The following ADAMTSL1 variants were observed in gnomAD, a reference collection of about 807,000 sequenced individuals.
ADAMTSL1 encodes the protein ADAMTS-like protein 1.
In ADAMTSL1, 126 loss-of-function variants were observed where a neutral mutation model predicts 201.8. That is an observed-to-expected ratio of 0.62 (90% CI 0.54 to 0.72). The LOEUF is 0.72. Ranked by LOEUF, ADAMTSL1 falls within the 30% of genes least tolerant of loss-of-function variation. The pLI is 0.00. For synonymous variants in ADAMTSL1, 1,121 were observed against 903.4 expected, an observed-to-expected ratio of 1.24 and a Z score of -4.32; for missense variants, 2,679 against 2,277.8, an observed-to-expected ratio of 1.18 and a Z score of -3.59.
intron 1 of ADAMTSL1, among the ~76,000 whole-genome samples, chr9:18,099,756 G>A (rs1824435966): frequency 6.7e-6 from 1 of 149,880 alleles, no homozygotes; most frequent in Admixed American, 6.7e-5. Flanking sequence ...TCTTGCCTCA[G>A]CCTCCCACTA....
intron 13 of ADAMTSL1, among the ~76,000 whole-genome samples, chr9:18,688,873 G>A (rs905731957): frequency 6.7e-6 from 1 of 150,114 alleles, no homozygotes; most frequent in African/African-American, 2.5e-5. Flanking sequence ...CCATTTTTCC[G>A]AGGGTAATAG....
chr9:18,047,404 C>T (rs1821711845), intron 1 of ADAMTSL1, among the ~76,000 whole-genome samples: 1 of 152,126 alleles, frequency 6.6e-6, no homozygotes, highest in South Asian at 2.1e-4. Flanking sequence ...TACTGCTAAA[C>T]ATCTTTACAC....
chr9:18,108,533 G>A (rs1008254245), intron 1 of ADAMTSL1, among the ~76,000 whole-genome samples: 1 of 152,064 alleles, frequency 6.6e-6, no homozygotes, highest in Non-Finnish European at 1.5e-5. Context: ...TTGGAAGCCA[G>A]ATCACAGAGA....
intron 2 of ADAMTSL1, among the ~76,000 whole-genome samples, chr9:18,430,239 A>G (rs1236522908): frequency 2.0e-5 from 3 of 152,188 alleles, no homozygotes; most frequent in Non-Finnish European, 4.4e-5. Context: ...TGGTTTCTAG[A>G]CAACATTTTG....
intron 2 of ADAMTSL1, among the ~76,000 whole-genome samples, chr9:18,437,147 A>C (rs1819773994): frequency 6.6e-6 from 1 of 151,730 alleles, no homozygotes; most frequent in Non-Finnish European, 1.5e-5. Flanking sequence ...GCGCATCAAA[A>C]CTGAACTCAC....
chr9:18,597,800 A>G (rs1824364958), intron 4 of ADAMTSL1, among the ~76,000 whole-genome samples: 1 of 152,344 alleles, frequency 6.6e-6, no homozygotes, highest in East Asian at 1.9e-4. Flanking sequence ...AGTACCTTCC[A>G]GATTTTGAGC....
intron 2 of ADAMTSL1, among the ~76,000 whole-genome samples, chr9:18,382,832 A>AT (rs1194674603): frequency 1.4e-4 from 22 of 152,338 alleles, no homozygotes; most frequent in African/African-American, 4.8e-4. Context: ...AACAATGCTC[A>AT]TTATAACACA....
At chr9:18,133,015 C>G (rs1011639066) in intron 1 of ADAMTSL1, among the ~76,000 whole-genome samples, 35 of 152,094 alleles carry the variant, frequency 2.3e-4, no homozygotes, top group Non-Finnish European at 5.0e-4. Context: ...GATTCTGTCC[C>G]AGGATTAAGG....
chr9:18,650,390 T>A (rs1461808447), intron 7 of ADAMTSL1, among the ~76,000 whole-genome samples: 1 of 152,090 alleles, frequency 6.6e-6, no homozygotes, highest in Non-Finnish European at 1.5e-5. Flanking sequence ...CACAGCGCGC[T>A]GCACCCACTG....
chr9:18,145,530 T>C (rs1193382520), intron 1 of ADAMTSL1, among the ~76,000 whole-genome samples: 1 of 152,190 alleles, frequency 6.6e-6, no homozygotes, highest in African/African-American at 2.4e-5. Flanking sequence ...ATTATGGTGC[T>C]GGAAAAATTG....
rs552458184 is a variant in ADAMTSL1 at position 18,673,348 on chromosome 9, C to A, written c.1086-2509C>A. Among the ~76,000 whole-genome samples the A allele has an allele frequency of 4.8e-4, 73 of 152,288 alleles. 1 individual carries two copies. Among genetic ancestry groups the A allele is most frequent in the African/African-American group, 1.6e-3 (65 of 41,550 alleles). ...GGCATGAACCCCAGAGAGAGCTGAG[C>A]CTATGTACACGAATATGTATTAGCA... is the stretch of plus-strand genomic sequence containing the variant. On this transcript the variant is annotated intron_variant, in intron 9 of 28. Transcript: ENST00000380548.
intron 15 of ADAMTSL1, among the ~76,000 whole-genome samples, chr9:18,748,217 C>T (rs1819255893): frequency 6.6e-6 from 1 of 152,106 alleles, no homozygotes; most frequent in Admixed American, 6.5e-5. Context: ...ATATTTTGGC[C>T]AAGAGCCCAA....
chr9:18,163,229 C>A, intron 1 of ADAMTSL1, among the ~76,000 whole-genome samples: 1 of 151,952 alleles, frequency 6.6e-6, no homozygotes, highest in Non-Finnish European at 1.5e-5. Context: ...CCCTTTGTGC[C>A]TTTAGTTCCT....
intron 15 of ADAMTSL1, among the ~76,000 whole-genome samples, chr9:18,735,748 C>CTTTTCTTTTCTTTTTTTTTTTTTTTTTT (rs762386875): frequency 2.8e-5 from 3 of 106,684 alleles, no homozygotes; most frequent in African/African-American, 3.6e-5. Context: ...ATTCTTTTTT[C>CTTTTCTTTTCTTTTTTTTTTTTTTTTTT]TTTTTTTTTT....
At chr9:18,518,811 C>T (rs540795722) in intron 2 of ADAMTSL1, among the ~76,000 whole-genome samples, 5 of 152,256 alleles carry the variant, frequency 3.3e-5, no homozygotes, top group Non-Finnish European at 5.9e-5. Flanking sequence ...CGGATTCAAG[C>T]GATTCTCCTG....
intron 2 of ADAMTSL1, among the ~76,000 whole-genome samples, chr9:18,432,044 T>C (rs1456364936): frequency 2.0e-5 from 3 of 152,222 alleles, no homozygotes; most frequent in African/African-American, 7.2e-5. Flanking sequence ...TGATGAATTT[T>C]CCTTTTAAAC....
chr9:18,726,273 C>A (rs1817886227), intron 15 of ADAMTSL1, among the ~76,000 whole-genome samples: 1 of 152,134 alleles, frequency 6.6e-6, no homozygotes, highest in African/African-American at 2.4e-5. Flanking sequence ...GAGGCCAAGG[C>A]AGATGGATTG....
At chr9:18,138,177 G>T (rs886599463) in intron 1 of ADAMTSL1, among the ~76,000 whole-genome samples, 1 of 152,150 alleles carries the variant, frequency 6.6e-6, no homozygotes, top group South Asian at 2.1e-4. Context: ...GGAGTATGGC[G>T]AAAAGTAAGT....
At chr9:18,063,398 T>A (rs1457929237) in intron 1 of ADAMTSL1, among the ~76,000 whole-genome samples, 2 of 152,176 alleles carry the variant, frequency 1.3e-5, no homozygotes, top group Non-Finnish European at 2.9e-5. Context: ...TTTGTAACAG[T>A]TAACTAAGGG....
Sources: allele counts gnomAD v4.1 joint callset (sites outside exome capture counted in the v4.1 genomes callset), GRCh38; gene constraint gnomAD v4.1.1; transcripts MANE v1.5; gene names NCBI Gene and HGNC (gene_info 2026-07-23, HGNC 2026-07-21).